The following PTPRE variants were observed in gnomAD, a reference collection of about 807,000 sequenced individuals.
The protein encoded by PTPRE is receptor-type tyrosine-protein phosphatase epsilon.
PTPRE carries 51 observed loss-of-function variants against 102.0 expected under a neutral mutation model. That is an observed-to-expected ratio of 0.50 (90% CI 0.40 to 0.63). The LOEUF is 0.63. Ranked by LOEUF, PTPRE falls within the 30% of genes least tolerant of loss-of-function variation. The probability of loss-of-function intolerance (pLI) is 0.00; values close to 1 mark genes in which losing one functional copy is unlikely to be tolerated. For synonymous variants in PTPRE, 345 were observed against 348.2 expected, an observed-to-expected ratio of 0.99 and a Z score of 0.10; for missense variants, 752 against 915.1, an observed-to-expected ratio of 0.82 and a Z score of 2.30.
chr10:128,076,580 A>T, intron 17 of PTPRE, 23 bp from the exon 18 acceptor site: 1 of 1,556,726 alleles, frequency 6.4e-7, no homozygotes, highest in East Asian at 2.3e-5. Context: ...TACAAGACTT[A>T]AATTTTTATT....
At chr10:128,051,622 G>A (rs753313355) in intron 6 of PTPRE, among the ~76,000 whole-genome samples, 3 of 152,220 alleles carry the variant, frequency 2.0e-5, no homozygotes, top group African/African-American at 4.8e-5. Flanking sequence ...TATTGCATTC[G>A]AATATTATTT....
chr10:128,010,268 C>G (rs1016471346), intron 2 of PTPRE, among the ~76,000 whole-genome samples: 1 of 152,202 alleles, frequency 6.6e-6, no homozygotes, highest in African/African-American at 2.4e-5. Flanking sequence ...CGCCCACACA[C>G]AGAAAATGGC....
At chr10:128,060,697 A>G (rs1290504411) in intron 7 of PTPRE, among the ~76,000 whole-genome samples, 2 of 152,208 alleles carry the variant, frequency 1.3e-5, no homozygotes, top group African/African-American at 2.4e-5. Context: ...CCTTGTCGTC[A>G]TGCCACAGCT....
At chr10:127,994,975 G>A (rs1032564761) in intron 2 of PTPRE, among the ~76,000 whole-genome samples, 1 of 152,170 alleles carries the variant, frequency 6.6e-6, no homozygotes, top group Non-Finnish European at 1.5e-5. Flanking sequence ...TCTTGAAAAG[G>A]GATTTTGTTT....
chr10:127,973,739 T>C (rs1432433122), intron 1 of PTPRE, among the ~76,000 whole-genome samples: 1 of 152,216 alleles, frequency 6.6e-6, no homozygotes, highest in Non-Finnish European at 1.5e-5. Context: ...ATCCTCTGCA[T>C]GCCTGTGAAG....
chr10:127,941,013 A>G (rs1316543576), intron 1 of PTPRE, among the ~76,000 whole-genome samples: 1 of 152,240 alleles, frequency 6.6e-6, no homozygotes, highest in Non-Finnish European at 1.5e-5. Context: ...AACGGCAAGC[A>G]GGGCAGGAGG....
intron 2 of PTPRE, among the ~76,000 whole-genome samples, chr10:127,991,597 T>C (rs1455796193): frequency 6.6e-6 from 1 of 152,204 alleles, no homozygotes; most frequent in East Asian, 1.9e-4. Flanking sequence ...TCTATAAAAA[T>C]ATTTTCCAAA....
At chr10:127,970,532 T>G (rs1356788494) in intron 1 of PTPRE, among the ~76,000 whole-genome samples, 4 of 151,798 alleles carry the variant, frequency 2.6e-5, no homozygotes, top group African/African-American at 9.7e-5. Context: ...ATCTGTTGCG[T>G]TTTTTCATGT....
intron 2 of PTPRE, among the ~76,000 whole-genome samples, chr10:128,014,389 A>C (rs1394040634): frequency 6.6e-6 from 1 of 152,184 alleles, no homozygotes; most frequent in Non-Finnish European, 1.5e-5. Context: ...AACATTCTTC[A>C]GAAGATGGGG....
At chr10:127,945,121 C>T (rs1468232026) in intron 1 of PTPRE, among the ~76,000 whole-genome samples, 1 of 152,224 alleles carries the variant, frequency 6.6e-6, no homozygotes, top group Non-Finnish European at 1.5e-5. Context: ...AGCTTCCTCA[C>T]CCTTCCCCTG....
At position 128,008,182 on chromosome 10, in the gene PTPRE, C is replaced by T. The variant is rs1844659364; in HGVS notation, c.-8+25886C>T. On this transcript the variant is annotated intron_variant, in intron 2 of 20. Coordinates refer to ENST00000254667, the MANE Select transcript of PTPRE (RefSeq NM_006504.6). The surrounding 1 kb of genome is among the most constrained non-coding windows in gnomAD (Gnocchi z 4.0). ...AAACTGCCCAAGGGAAACAGTGCAT[C>T]CACCATCTCTGTCTGCAGCCCCGCT... Among the ~76,000 whole-genome samples the T allele has an allele frequency of 2.6e-5, 4 of 152,276 alleles. No individual in the cohort carries two copies. The highest frequency in any genetic ancestry group is 4.1e-4 in the South Asian group (2 of 4,826).
Position 127,907,783 on chromosome 10 carries a change from G to A in PTPRE, c.-31+474G>A, listed in dbSNP as rs1323797412. Among the ~76,000 whole-genome samples the A allele has an allele frequency of 6.6e-6, 1 of 152,146 alleles. No individual in the cohort carries two copies. The highest frequency in any genetic ancestry group is 2.4e-5 in the African/African-American group (1 of 41,440). ...TGTGCCAACTCTGGGAGGGGCCGGC[G>A]CTCTGCCAGGATGCTGCCCCGCAGC... On this transcript the variant is annotated intron_variant, in intron 1 of 20. Coordinates refer to ENST00000254667, the MANE Select transcript of PTPRE (RefSeq NM_006504.6). This position sits in a 1 kb window ranked among gnomAD's most constrained non-coding sequence, Gnocchi z 4.8.
intron 1 of PTPRE, among the ~76,000 whole-genome samples, chr10:127,920,333 T>A (rs1846505657): frequency 6.6e-6 from 1 of 152,216 alleles, no homozygotes. Flanking sequence ...GGTCTCTTGC[T>A]GCCTCTGCTT....
intron 2 of PTPRE, among the ~76,000 whole-genome samples, chr10:128,014,298 G>C (rs1431361054): frequency 6.6e-6 from 1 of 152,204 alleles, no homozygotes; most frequent in African/African-American, 2.4e-5. Flanking sequence ...TCTCTCCTTA[G>C]TTGCAATTTG....
intron 2 of PTPRE, chr10:127,999,570 C>G: frequency 1.0e-6 from 1 of 985,428 alleles, no homozygotes; most frequent in Non-Finnish European, 1.2e-6. Context: ...ACTGCACCAT[C>G]GAGCACGCAG....
chr10:128,022,732 G>A (rs1251753942), intron 2 of PTPRE, among the ~76,000 whole-genome samples: 2 of 152,234 alleles, frequency 1.3e-5, no homozygotes, highest in Non-Finnish European at 2.9e-5. Flanking sequence ...CATGGCCAGC[G>A]GAGACAGCTA....
At chr10:128,001,750 G>A (rs1276678677) in intron 2 of PTPRE, among the ~76,000 whole-genome samples, 2 of 152,214 alleles carry the variant, frequency 1.3e-5, no homozygotes, top group East Asian at 1.9e-4. Context: ...CGTATGGGAA[G>A]GTTCTTAGTA....
chr10:127,991,473 A>G (rs549779846), intron 2 of PTPRE, among the ~76,000 whole-genome samples: 1 of 152,226 alleles, frequency 6.6e-6, no homozygotes, highest in Non-Finnish European at 1.5e-5. Flanking sequence ...ATCACTTAAG[A>G]GAGGGTGTTT....
chr10:127,920,866 A>G (rs925976501), intron 1 of PTPRE, among the ~76,000 whole-genome samples: 1 of 152,240 alleles, frequency 6.6e-6, no homozygotes, highest in African/African-American at 2.4e-5. Flanking sequence ...TGACAGACTC[A>G]GTCCTGTGGG....
Sources: allele counts gnomAD v4.1 joint callset (sites outside exome capture counted in the v4.1 genomes callset), GRCh38; gene constraint gnomAD v4.1.1; non-coding constraint Gnocchi (gnomAD v3.1); transcripts MANE v1.5; gene names NCBI Gene and HGNC (gene_info 2026-07-23, HGNC 2026-07-21).